Variants in SSBP3 observed in about 807,000 individuals in gnomAD.
SSBP3 encodes single-stranded DNA-binding protein 3.
In SSBP3, 5 loss-of-function variants were observed where a neutral mutation model predicts 69.6. The observed-to-expected ratio is 0.07, with a 90% CI of 0.04 to 0.15. The LOEUF is 0.15. Ranked by LOEUF, SSBP3 falls within the 10% of genes least tolerant of loss-of-function variation. SSBP3 has a pLI of 1.00. For synonymous variants in SSBP3, 196 were observed against 193.4 expected (o/e 1.01, Z -0.11); for missense variants, 312 against 534.0 (o/e 0.58, Z 4.10).
chr1:54,315,914 A>G (rs1353831566), intron 4 of SSBP3, among the ~76,000 whole-genome samples: 3 of 152,086 alleles, frequency 2.0e-5, no homozygotes, highest in Non-Finnish European at 4.4e-5. Context: ...CTCCTGCCTC[A>G]GCCTCCCAAA....
chr1:54,316,694 AAAT>A (rs1321530292), intron 4 of SSBP3, among the ~76,000 whole-genome samples: 4 of 130,230 alleles, frequency 3.1e-5, no homozygotes, highest in African/African-American at 7.1e-5. Context: ...ATAAATAAAT[AAAT>A]AAATAAATAA....
intron 4 of SSBP3, among the ~76,000 whole-genome samples, chr1:54,351,021 T>G (rs890708948): frequency 1.3e-5 from 2 of 151,844 alleles, no homozygotes; most frequent in Non-Finnish European, 2.9e-5. Context: ...GAGATGGGGG[T>G]CTCGCTATGT....
upstream of SSBP3, among the ~76,000 whole-genome samples, chr1:54,406,852 C>T (rs1254630210): frequency 6.6e-6 from 1 of 151,768 alleles, no homozygotes; most frequent in East Asian, 2.0e-4. Flanking sequence ...AGCTCCCCCC[C>T]GCCGCGGCCC....
intron 4 of SSBP3, among the ~76,000 whole-genome samples, chr1:54,360,187 CATT>C (rs1361726931): frequency 6.6e-6 from 1 of 152,190 alleles, no homozygotes; most frequent in African/African-American, 2.4e-5. Flanking sequence ...ACCCAAAAAA[CATT>C]ATACTAAAAT....
In SSBP3 at chr1:54,386,683, C is replaced by CTTTTTTTTTTTTTTTTTTTTTTTTTTTTT. The variant is rs58429798; in HGVS notation, c.276+15177_276+15178insAAAAAAAAAAAAAAAAAAAAAAAAAAAAA. On this transcript the variant is annotated intron_variant, in intron 4 of 17. Coordinates refer to ENST00000610401, the Ensembl canonical transcript of SSBP3. Reference sequence around the variant, plus strand: ...ATCCACAATGTATAAACTGATCCTACTTTTTTTTTTTTTTTTTTTTTAAGA... The same window carrying CTTTTTTTTTTTTTTTTTTTTTTTTTTTTT: ...ATCCACAATGTATAAACTGATCCTACTTTTTTTTTTTTTTTTTTTTTTTTTTTTTTTTTTTTTTTTTTTTTTTTTTAAGA... Among the ~76,000 whole-genome samples, 78 of 76,082 alleles carry CTTTTTTTTTTTTTTTTTTTTTTTTTTTTT rather than the reference C, an allele frequency of 1.0e-3. 13 individuals are homozygous for CTTTTTTTTTTTTTTTTTTTTTTTTTTTTT. Among genetic ancestry groups the CTTTTTTTTTTTTTTTTTTTTTTTTTTTTT allele is most frequent in the African/African-American group, 1.4e-3 (21 of 14,580 alleles). 49.9% of individuals were successfully genotyped at this position (76,082 alleles called of 152,430 possible). A position where few individuals can be genotyped will look rare whatever the true frequency, so the allele number is the denominator to read the frequency against.
exon 18 of SSBP3, chr1:54,225,510 T>C (rs917335055): frequency 9.4e-7 from 1 of 1,064,420 alleles, no homozygotes; most frequent in African/African-American, 1.6e-5. Flanking sequence ...TAATTACTTT[T>C]TTTTCCTCTC....
At chr1:54,293,113 G>A (rs989608391) in intron 4 of SSBP3, among the ~76,000 whole-genome samples, 7 of 152,254 alleles carry the variant, frequency 4.6e-5, no homozygotes, top group African/African-American at 1.4e-4. Flanking sequence ...TCTGGTGGGA[G>A]CCACAAAGCT....
intron 4 of SSBP3, among the ~76,000 whole-genome samples, chr1:54,317,230 T>C (rs1455437838): frequency 6.6e-6 from 1 of 152,182 alleles, no homozygotes; most frequent in Non-Finnish European, 1.5e-5. Context: ...AATGATAATA[T>C]ACTATTTATC....
chr1:54,388,792 C>G (rs1442474574), intron 4 of SSBP3, among the ~76,000 whole-genome samples: 2 of 152,220 alleles, frequency 1.3e-5, no homozygotes, highest in Non-Finnish European at 2.9e-5. Flanking sequence ...CTTGCATGCA[C>G]AGCCAGGAGA....
chr1:54,362,551 C>G (rs1470671312), intron 4 of SSBP3, among the ~76,000 whole-genome samples: 2 of 152,198 alleles, frequency 1.3e-5, no homozygotes, highest in Non-Finnish European at 1.5e-5. Context: ...AGGCGGAAGC[C>G]TCTACCCGAC....
intron 4 of SSBP3, among the ~76,000 whole-genome samples, chr1:54,290,957 C>T (rs2100943165): frequency 6.6e-6 from 1 of 152,334 alleles, no homozygotes; most frequent in African/African-American, 2.4e-5. Flanking sequence ...ACATTTCCCA[C>T]TGTCTTAAAG....
intron 4 of SSBP3, among the ~76,000 whole-genome samples, chr1:54,296,484 G>A (rs1277186371): frequency 2.0e-5 from 3 of 152,172 alleles, no homozygotes; most frequent in African/African-American, 4.8e-5. Context: ...TTGGGCCTTC[G>A]GTAACTTTGA....
chr1:54,262,726 C>T (rs1645036859), intron 5 of SSBP3, among the ~76,000 whole-genome samples: 1 of 152,220 alleles, frequency 6.6e-6, no homozygotes, highest in African/African-American at 2.4e-5. Flanking sequence ...CCCCCATGAG[C>T]CAACCGGAAC....
chr1:54,313,475 T>C (rs1646042694), intron 4 of SSBP3, among the ~76,000 whole-genome samples: 1 of 136,054 alleles, frequency 7.4e-6, no homozygotes, highest in African/African-American at 2.8e-5. Flanking sequence ...TTTAAAGAGC[T>C]GGGGTCTCAC....
intron 14 of SSBP3, among the ~76,000 whole-genome samples, chr1:54,229,448 G>T (rs1335645066): frequency 2.6e-5 from 4 of 152,180 alleles, no homozygotes; most frequent in African/African-American, 9.7e-5. Flanking sequence ...TGAGTGGTGG[G>T]GAAGAGAGAG....
chr1:54,305,085 C>T (rs182932333), intron 4 of SSBP3, among the ~76,000 whole-genome samples: 23 of 152,304 alleles, frequency 1.5e-4, no homozygotes, highest in Admixed American at 9.1e-4. Flanking sequence ...GTATGCCTGG[C>T]GGGAGGCGTG....
At chr1:54,325,381 A>G (rs769039562) in intron 4 of SSBP3, 21 of 167,156 alleles carry the variant, frequency 1.3e-4, no homozygotes, top group Non-Finnish European at 1.9e-4. Flanking sequence ...CTCTAGGCCC[A>G]AGCATCATGG....
At chr1:54,305,619 T>TAAA (rs762340360) in intron 4 of SSBP3, among the ~76,000 whole-genome samples, 9 of 139,918 alleles carry the variant, frequency 6.4e-5, no homozygotes, top group South Asian at 2.5e-4. Flanking sequence ...TATTTTTCTT[T>TAAA]AAAAAAAAAA....
intron 5 of SSBP3, among the ~76,000 whole-genome samples, chr1:54,262,405 T>C (rs1361472742): frequency 6.6e-6 from 1 of 152,088 alleles, no homozygotes; most frequent in Non-Finnish European, 1.5e-5. Context: ...CTCCGTGTCA[T>C]CTGTCAGGGC....
Sources: gnomAD v4.1 joint callset for allele counts (sites outside exome capture counted in the v4.1 genomes callset) on GRCh38, gnomAD v4.1.1 for gene constraint, MANE v1.5 for transcripts, NCBI Gene and HGNC (gene_info 2026-07-23, HGNC 2026-07-21) for gene names.